LINGO2: variants seen among roughly 807,000 people sequenced by gnomAD.
LINGO2 encodes leucine-rich repeat and immunoglobulin-like domain-containing nogo receptor-interacting protein 2.
A neutral mutation model predicts 30.6 loss-of-function variants in LINGO2; 14 were observed. That is an observed-to-expected ratio of 0.46 (90% CI 0.30 to 0.72). The LOEUF (loss-of-function observed/expected upper bound fraction) is 0.72, where lower values mean the gene tolerates loss of function less well. LINGO2 is among the 30% of genes least tolerant of loss of function. The pLI is 0.07. For synonymous variants in LINGO2, 317 were observed against 288.5 expected (o/e 1.10, Z -1.00); for missense variants, 729 against 751.7 (o/e 0.97, Z 0.35).
rs532145279 is a variant in LINGO2 at position 28,147,441 on chromosome 9, G to A, written c.-86-135036C>T. On this transcript the variant is annotated intron_variant, in intron 4 of 5. Transcript: ENST00000379992. This position sits in a 1 kb window ranked among gnomAD's most constrained non-coding sequence, Gnocchi z 4.7. ...TTCTCTCTTTGGAAACCTGTGGAGCGAGGCTGGTGGCCCTTGAGGCCACGG... is the reference window on the plus strand; with the variant it reads ...TTCTCTCTTTGGAAACCTGTGGAGCAAGGCTGGTGGCCCTTGAGGCCACGG... Among the ~76,000 whole-genome samples, 2 of 152,338 alleles carry A rather than the reference G, an allele frequency of 1.3e-5. No homozygotes were observed. Among genetic ancestry groups the A allele is most frequent in the Admixed American group, 6.5e-5 (1 of 15,314 alleles).
chr9:28,636,836 T>C (rs1466866547), intron 1 of LINGO2, among the ~76,000 whole-genome samples: 2 of 152,210 alleles, frequency 1.3e-5, no homozygotes, highest in Non-Finnish European at 2.9e-5. Context: ...TTAGATCCCA[T>C]TTATCAATTT....
chr9:28,663,909 T>C (rs1314950384), intron 1 of LINGO2, among the ~76,000 whole-genome samples: 1 of 128,660 alleles, frequency 7.8e-6, no homozygotes, highest in Non-Finnish European at 1.6e-5. Flanking sequence ...AACTTGAGAT[T>C]ATATATGAAT....
chr9:27,971,085 ATTT>A (rs891201307), intron 5 of LINGO2, among the ~76,000 whole-genome samples: 3 of 151,908 alleles, frequency 2.0e-5, no homozygotes, highest in Non-Finnish European at 4.4e-5. Flanking sequence ...TCCTCTTTTT[ATTT>A]TTTATTTAAA....
chr9:28,833,595 C>A, the LINGO2 span, among the ~76,000 whole-genome samples: 1 of 152,086 alleles, frequency 6.6e-6, no homozygotes, highest in African/African-American at 2.4e-5. Context: ...ATATCCTTTG[C>A]CACATTCAAT....
At chr9:28,086,325 C>A (rs1587827597) in intron 4 of LINGO2, among the ~76,000 whole-genome samples, 1 of 151,924 alleles carries the variant, frequency 6.6e-6, no homozygotes, top group African/African-American at 2.4e-5. Flanking sequence ...ACTCAGAAAC[C>A]AGAAAGAATG....
intron 1 of LINGO2, among the ~76,000 whole-genome samples, chr9:28,497,055 T>A (rs1262161820): frequency 6.6e-6 from 1 of 152,208 alleles, no homozygotes; most frequent in South Asian, 2.1e-4. Flanking sequence ...CTTCCCTTTG[T>A]GGGTAACCCG....
At chr9:29,154,121 A>G in the LINGO2 span, among the ~76,000 whole-genome samples, 1 of 152,164 alleles carries the variant, frequency 6.6e-6, no homozygotes, top group Non-Finnish European at 1.5e-5. Context: ...GTGAGCAACT[A>G]AAAATCACCT....
intron 3 of LINGO2, among the ~76,000 whole-genome samples, chr9:28,311,009 C>T (rs575593601): frequency 5.9e-5 from 9 of 152,030 alleles, no homozygotes; most frequent in South Asian, 4.2e-4. Flanking sequence ...AATTCACCCC[C>T]GATATTTCAT....
chr9:28,312,506 A>G (rs537979607), intron 3 of LINGO2, among the ~76,000 whole-genome samples: 2 of 152,302 alleles, frequency 1.3e-5, no homozygotes, highest in Non-Finnish European at 2.9e-5. Flanking sequence ...AAAATTGCAA[A>G]GAAGCTAAAT....
the LINGO2 span, among the ~76,000 whole-genome samples, chr9:28,909,542 A>G: frequency 6.6e-6 from 1 of 152,134 alleles, no homozygotes; most frequent in Non-Finnish European, 1.5e-5. Flanking sequence ...TTAAACTTTC[A>G]TGTTCCACTG....
chr9:28,803,400 A>G, the LINGO2 span, among the ~76,000 whole-genome samples: 1 of 151,988 alleles, frequency 6.6e-6, no homozygotes, highest in Non-Finnish European at 1.5e-5. Context: ...GGATCACAGC[A>G]AACAATATTT....
intron 1 of LINGO2, among the ~76,000 whole-genome samples, chr9:28,481,153 T>C (rs10124978): frequency 0.63 from 95,544 of 152,012 alleles, 30,323 homozygotes; most frequent in South Asian, 0.74. Context: ...GATTTACCTT[T>C]TTGGGCTCAT....
chr9:29,114,484 T>C, the LINGO2 span, among the ~76,000 whole-genome samples: 2 of 151,098 alleles, frequency 1.3e-5, no homozygotes, highest in East Asian at 2.0e-4. Context: ...ACATGTACCA[T>C]GTTGGTGTGC....
intron 5 of LINGO2, among the ~76,000 whole-genome samples, chr9:27,977,917 T>C (rs910782614): frequency 6.6e-6 from 1 of 152,036 alleles, no homozygotes; most frequent in Non-Finnish European, 1.5e-5. Context: ...CATTAAGAGA[T>C]GTTGCAAGCC....
intron 1 of LINGO2, among the ~76,000 whole-genome samples, chr9:28,494,050 C>G (rs1037789455): frequency 6.6e-6 from 1 of 151,806 alleles, no homozygotes. Flanking sequence ...TAGTTCTGTC[C>G]CTCTAGAGAA....
chr9:28,797,066 A>G, the LINGO2 span, among the ~76,000 whole-genome samples: 1 of 151,600 alleles, frequency 6.6e-6, no homozygotes, highest in Non-Finnish European at 1.5e-5. Context: ...TGGTGTATTC[A>G]AGAAATAAGC....
At chr9:28,538,617 A>G (rs1219703775) in intron 1 of LINGO2, among the ~76,000 whole-genome samples, 2 of 152,182 alleles carry the variant, frequency 1.3e-5, no homozygotes, top group Non-Finnish European at 2.9e-5. Context: ...TCACAGTTCC[A>G]GAGGCTACGA....
chr9:28,330,131 T>A (rs1825368819), intron 3 of LINGO2, among the ~76,000 whole-genome samples: 1 of 152,040 alleles, frequency 6.6e-6, no homozygotes, highest in South Asian at 2.1e-4. Flanking sequence ...ATGCTCTCTC[T>A]CTCTTCTCAT....
the LINGO2 span, among the ~76,000 whole-genome samples, chr9:29,145,279 C>T: frequency 6.6e-6 from 1 of 152,088 alleles, no homozygotes; most frequent in Non-Finnish European, 1.5e-5. Context: ...GATGGAAGTC[C>T]ATCTGGCCAA....
Sources: gnomAD v4.1 joint callset for allele counts (sites outside exome capture counted in the v4.1 genomes callset) on GRCh38, gnomAD v4.1.1 for gene constraint, Gnocchi (gnomAD v3.1) non-coding constraint, MANE v1.5 for transcripts, NCBI Gene and HGNC (gene_info 2026-07-23, HGNC 2026-07-21) for gene names.